The following COL6A6 variants were observed in gnomAD, a reference collection of about 807,000 sequenced individuals.
COL6A6 encodes the protein collagen type VI alpha 6 chain, also known as collagen alpha-6(VI) chain.
COL6A6 carries 183 observed loss-of-function variants against 208.6 expected under a neutral mutation model. The ratio of observed to expected loss-of-function variants is 0.88; its 90% CI spans 0.78 to 0.99. COL6A6 has a LOEUF of 0.99. Ranked by LOEUF, COL6A6 falls within the 50% of genes least tolerant of loss-of-function variation. The probability of loss-of-function intolerance (pLI) is 0.00; values close to 1 mark genes in which losing one functional copy is unlikely to be tolerated. For missense variants in COL6A6, 2,816 were observed against 2,815.2 expected (o/e 1.00, Z -0.01); for synonymous variants, 973 against 1,011.8 (o/e 0.96, Z 0.73).
At chr3:130,588,229 T>C (rs976805207) in intron 11 of COL6A6, among the ~76,000 whole-genome samples, 6 of 152,204 alleles carry the variant, frequency 3.9e-5, no homozygotes, top group African/African-American at 1.4e-4. Context: ...AATTGCTAAA[T>C]GACTATAACA....
intron 1 of COL6A6, among the ~76,000 whole-genome samples, chr3:130,533,942 C>G (rs368249338): frequency 6.6e-5 from 10 of 152,266 alleles, no homozygotes; most frequent in African/African-American, 2.4e-4. Flanking sequence ...TGTGTGTGCA[C>G]GCCAGTTTAA....
chr3:130,576,937 A>G (rs372677116), intron 8 of COL6A6, among the ~76,000 whole-genome samples: 1 of 152,234 alleles, frequency 6.6e-6, no homozygotes, highest in African/African-American at 2.4e-5. Flanking sequence ...TAAAATATGC[A>G]TAACTTTGGA....
At chr3:130,582,362 G>A (rs538477366) in intron 10 of COL6A6, among the ~76,000 whole-genome samples, 7 of 151,836 alleles carry the variant, frequency 4.6e-5, no homozygotes, top group South Asian at 2.1e-4. Flanking sequence ...TTTCTCTCTC[G>A]CCCCACATTG....
At chr3:130,522,890 C>G (rs929884508) in intron 1 of COL6A6, among the ~76,000 whole-genome samples, 3 of 151,514 alleles carry the variant, frequency 2.0e-5, no homozygotes, top group Non-Finnish European at 2.9e-5. Context: ...CTATTTCACT[C>G]AACACCGGCC....
chr3:130,552,533 C>A (rs2062666935), intron 1 of COL6A6, among the ~76,000 whole-genome samples: 1 of 152,068 alleles, frequency 6.6e-6, no homozygotes, highest in South Asian at 2.1e-4. Flanking sequence ...GGTGTCATTG[C>A]ATGTGAGATA....
Position 130,546,489 on chromosome 3 carries a change from T to C in COL6A6, c.-31-13845T>C, listed in dbSNP as rs1424953226. On this transcript the variant is annotated intron_variant, in intron 1 of 36. Transcript: ENST00000358511. ...ACAAAAGAACAAAGCTTTCACAGCA[T>C]GGAAGAGGACCTAAGCAGGTTACCT... 2.0e-5 allele frequency among the ~76,000 whole-genome samples: 3 copies of C among 152,300 alleles called. No homozygotes were observed. In the East Asian group the frequency reaches 5.8e-4, roughly 29 times the overall value.
intron 33 of COL6A6, among the ~76,000 whole-genome samples, chr3:130,654,026 GTAGAA>G (rs1265788650): frequency 4.6e-5 from 7 of 152,342 alleles, no homozygotes; most frequent in Non-Finnish European, 8.8e-5. Flanking sequence ...TGTAGAACAT[GTAGAA>G]TAGAAGACTA....
intron 34 of COL6A6, among the ~76,000 whole-genome samples, chr3:130,660,771 T>C (rs186747622): frequency 1.3e-3 from 195 of 152,324 alleles, no homozygotes; most frequent in African/African-American, 4.4e-3. Flanking sequence ...CCCACTACTA[T>C]ACCACCTGGC....
chr3:130,609,008 T>A, intron 22 of COL6A6, 44 bp downstream of exon 22: 1 of 1,471,520 alleles, frequency 6.8e-7, no homozygotes, highest in Non-Finnish European at 9.4e-7. Flanking sequence ...TAAAGAAGAA[T>A]CTGGGAATGG....
At chr3:130,519,497 C>A (rs886271841) in intron 1 of COL6A6, among the ~76,000 whole-genome samples, 8 of 152,162 alleles carry the variant, frequency 5.3e-5, no homozygotes, top group Admixed American at 2.0e-4. Flanking sequence ...CTAAAAGATT[C>A]ATGAACATGA....
rs1446748652 is a variant in COL6A6, at chr3:130,565,335, A to G, written c.1003A>G (p.Ile335Val). ...GSRKNQGVPQIAVLVTHRDSE... is the reference protein window; with the variant it reads ...GSRKNQGVPQVAVLVTHRDSE... ...TCGGAAGAATCAGGGGGTGCCCCAG[A>G]TTGCCGTGCTGGTGACCCACCGAGA... Residue 335 changes from isoleucine (I) to valine (V), a missense_variant, in exon 4 of 37, where the codon ATT (isoleucine) becomes GTT (valine). Physicochemically the swap from Ile to Val is conservative, Grantham distance 29. Transcript: ENST00000358511. 1.2e-6 allele frequency: 2 copies of G among 1,608,792 alleles called. No individual in the cohort carries two copies. The highest frequency in any genetic ancestry group is 1.7e-6 in the Non-Finnish European group (2 of 1,177,896).
At chr3:130,585,885 C>A (rs1317941643) in intron 10 of COL6A6, among the ~76,000 whole-genome samples, 1 of 152,198 alleles carries the variant, frequency 6.6e-6, no homozygotes, top group Non-Finnish European at 1.5e-5. Context: ...TTCTGTATTT[C>A]TGATAAGCCC....
At chr3:130,538,240 C>G (rs1278011136) in intron 1 of COL6A6, among the ~76,000 whole-genome samples, 13 of 152,138 alleles carry the variant, frequency 8.5e-5, no homozygotes, top group Admixed American at 7.9e-4. Context: ...CAGGGGTACT[C>G]TCAGGGTTCA....
intron 33 of COL6A6, among the ~76,000 whole-genome samples, chr3:130,654,535 C>G (rs2065735296): frequency 6.6e-6 from 1 of 152,178 alleles, no homozygotes; most frequent in Non-Finnish European, 1.5e-5. Flanking sequence ...GTTTACAGAT[C>G]ACAAAAACCA....
chr3:130,651,705 A>G lies in COL6A6; in HGVS notation c.5733+2143A>G, dbSNP rs181022785. On this transcript the variant is annotated intron_variant, in intron 33 of 36. Transcript: ENST00000358511. ...GAAGTAGCAGTAGCTAAAAAATTCA[A>G]TAAGTGATTTTGGTTACATAGTCCT... 3.7e-3 allele frequency among the ~76,000 whole-genome samples: 558 copies of G among 152,288 alleles called. 2 individuals carry two copies. The highest frequency in any genetic ancestry group is 5.8e-3 in the Non-Finnish European group (392 of 68,018).
rs150608223 is a variant in COL6A6 at position 130,523,591 on chromosome 3, C to T, written c.-32+6194C>T. ...AATTATGGATCTGGGGTTCCTGACA[C>T]CTAAGTTGGTGCTCAATACATAGAA... is the stretch of plus-strand genomic sequence containing the variant. On this transcript the variant is annotated intron_variant, in intron 1 of 36. Transcript: ENST00000358511. 6.6e-3 allele frequency among the ~76,000 whole-genome samples: 1,009 copies of T among 152,186 alleles called. 6 individuals carry two copies. The highest frequency in any genetic ancestry group is 0.023 in the African/African-American group (934 of 41,486).
intron 8 of COL6A6, among the ~76,000 whole-genome samples, chr3:130,580,564 A>G (rs1560021237): frequency 6.6e-6 from 1 of 152,226 alleles, no homozygotes; most frequent in Non-Finnish European, 1.5e-5. Context: ...AATATCTTAA[A>G]CATTGCTGAT....
intron 20 of COL6A6, 104 bp downstream of exon 20, chr3:130,599,914 A>G: frequency 3.8e-6 from 4 of 1,063,532 alleles, no homozygotes; most frequent in Non-Finnish European, 5.7e-6. Flanking sequence ...GCTGGAGCTC[A>G]CTACCTTGAG....
Position 130,606,975 on chromosome 3 carries a change from A to AT in COL6A6, c.4689+14dup, listed in dbSNP as rs2064202087. The AT allele has an allele frequency of 1.9e-6, 3 of 1,604,544 alleles. No individual in the cohort carries two copies. The South Asian group carries it at 3.3e-5, about 18-fold the overall frequency. On this transcript the variant is annotated intron_variant, in intron 21 of 36. Transcript: ENST00000358511. ...GACATACAGGCCCACAGGTACAATG[A>AT]TTTTTCCCCTTAACTCCAAATAACA...
Sources: allele counts gnomAD v4.1 joint callset (sites outside exome capture counted in the v4.1 genomes callset), GRCh38; gene constraint gnomAD v4.1.1; transcripts MANE v1.5; gene names NCBI Gene and HGNC (gene_info 2026-07-23, HGNC 2026-07-21).